NIPAL2: variants seen among roughly 807,000 people sequenced by gnomAD.
NIPAL2 encodes NIPA-like protein 2.
Under a neutral mutation model 48.9 loss-of-function variants are expected in NIPAL2, and 43 were observed. The observed-to-expected ratio is 0.88, with a 90% confidence interval of 0.69 to 1.13. The LOEUF (loss-of-function observed/expected upper bound fraction) is 1.13. Among genes scored for constraint, NIPAL2 ranks in the 50% most tolerant of loss-of-function variants. The pLI is 0.00. For missense variants in NIPAL2, 446 were observed against 461.4 expected (o/e 0.97, Z 0.31); for synonymous variants, 167 against 174.6 (o/e 0.96, Z 0.34).
In NIPAL2 at chr8:98,190,316, TG is replaced by T. The variant is rs1563798745; in HGVS notation, c.*2661del. On this transcript the variant is annotated 3_prime_UTR_variant, in exon 11 of 11. Transcript: ENST00000430223. ...AGCTCACAGACTGGCCACTTGTTTT[TG>T]TTTGTTTGTTTGTTTGTTTGTTTTT... The T allele has an allele frequency of 6.1e-6, 1 of 163,208 alleles. No homozygotes were observed. Among genetic ancestry groups the T allele is most frequent in the Non-Finnish European group, 1.3e-5 (1 of 78,030 alleles). The allele number at this position is 163,208 out of a possible 1,614,324, so 10.1% of individuals were successfully genotyped here.
intron 3 of NIPAL2, among the ~76,000 whole-genome samples, chr8:98,245,495 T>C (rs953340184): frequency 3.3e-5 from 5 of 152,228 alleles, no homozygotes; most frequent in Admixed American, 1.3e-4. Flanking sequence ...TTACTGAAGA[T>C]AATGAAGGAA....
At chr8:98,267,356 C>T (rs1170214301) in intron 1 of NIPAL2, among the ~76,000 whole-genome samples, 1 of 150,044 alleles carries the variant, frequency 6.7e-6, no homozygotes, top group Non-Finnish European at 1.5e-5. Context: ...CAGGGTCTCA[C>T]TTTGTTGCCC....
rs200633426 is a variant in NIPAL2, at chr8:98,194,772, T to G, written c.995A>C (p.Lys332Thr). The change falls in exon 10 of 11, where the codon AAG becomes ACG. Residue 332 changes from lysine to threonine, a missense_variant. Coordinates refer to ENST00000430223, the MANE Select transcript of NIPAL2 (RefSeq NM_001321635.2). ...AATATAAGACTGTTGCAGATGTTCC[T>G]TTTCTCGATTTCTTGTGACCAAAAA... ...GVFLVTRNRE[K>T]EHLQQSYIDF... The G allele has an allele frequency of 3.0e-5, 48 of 1,577,000 alleles. No individual in the cohort carries two copies. The highest frequency in any genetic ancestry group is 3.5e-5 in the Non-Finnish European group (41 of 1,165,702).
chr8:98,218,770 G>A (rs891507796), intron 5 of NIPAL2, among the ~76,000 whole-genome samples: 2 of 152,192 alleles, frequency 1.3e-5, no homozygotes, highest in African/African-American at 4.8e-5. Flanking sequence ...TGAGTTTTCA[G>A]GGGTCATAAG....
At chr8:98,222,409 C>CT (rs1288605146) in intron 5 of NIPAL2, 70 bp downstream of exon 5, 2 of 1,473,822 alleles carry the variant, frequency 1.4e-6, no homozygotes, top group African/African-American at 2.8e-5. Context: ...ATTATGTTCT[C>CT]TAATATCTGC....
chr8:98,287,980 T>A (rs1816271282), intron 1 of NIPAL2, among the ~76,000 whole-genome samples: 1 of 152,214 alleles, frequency 6.6e-6, no homozygotes, highest in African/African-American at 2.4e-5. Context: ...GCTACCTAGG[T>A]GAAGCATGCA....
intron 4 of NIPAL2, among the ~76,000 whole-genome samples, chr8:98,227,126 A>G (rs990218089): frequency 6.6e-6 from 1 of 151,388 alleles, no homozygotes; most frequent in East Asian, 1.9e-4. Flanking sequence ...ATGCTGCCAG[A>G]CCTGCCACTA....
At chr8:98,293,362 T>C (rs1015460883) in intron 1 of NIPAL2, among the ~76,000 whole-genome samples, 1 of 152,194 alleles carries the variant, frequency 6.6e-6, no homozygotes, top group East Asian at 1.9e-4. Context: ...CCAAGTCCCT[T>C]TGATTTTGTT....
At chr8:98,242,638 A>G (rs2130805550) in intron 3 of NIPAL2, among the ~76,000 whole-genome samples, 1 of 151,896 alleles carries the variant, frequency 6.6e-6, no homozygotes, top group East Asian at 1.9e-4. Flanking sequence ...GGAGCCCACC[A>G]CTATGCCCGG....
chr8:98,264,707 A>G (rs2130861664), intron 1 of NIPAL2, among the ~76,000 whole-genome samples: 1 of 151,606 alleles, frequency 6.6e-6, no homozygotes, highest in East Asian at 2.0e-4. Flanking sequence ...CATACTGCCC[A>G]AGGTAATTTA....
At chr8:98,283,865 G>C (rs1423613488) in intron 1 of NIPAL2, among the ~76,000 whole-genome samples, 1 of 152,174 alleles carries the variant, frequency 6.6e-6, no homozygotes, top group Non-Finnish European at 1.5e-5. Flanking sequence ...GATATGGGGA[G>C]GGATTGTGAT....
intron 1 of NIPAL2, among the ~76,000 whole-genome samples, chr8:98,257,676 C>T (rs1334860727): frequency 6.6e-6 from 1 of 152,142 alleles, no homozygotes; most frequent in Non-Finnish European, 1.5e-5. Flanking sequence ...AGAGAATTTA[C>T]TAAGACTCAG....
chr8:98,205,281 A>G (rs777050396), intron 6 of NIPAL2, 35 bp from the exon 7 acceptor site: 7 of 1,567,558 alleles, frequency 4.5e-6, no homozygotes, highest in Non-Finnish European at 4.3e-6. Context: ...AATAAAGAAC[A>G]TATTTCAGAT....
At chr8:98,290,517 A>G (rs1816434666) in intron 1 of NIPAL2, among the ~76,000 whole-genome samples, 1 of 152,118 alleles carries the variant, frequency 6.6e-6, no homozygotes, top group South Asian at 2.1e-4. Flanking sequence ...GCTCTTATTT[A>G]TTCAACCACA....
intron 7 of NIPAL2, among the ~76,000 whole-genome samples, chr8:98,204,267 G>T (rs1412837516): frequency 5.3e-5 from 8 of 152,150 alleles, no homozygotes; most frequent in Non-Finnish European, 4.4e-5. Flanking sequence ...AAAACATTGG[G>T]TTTTTCCAGT....
intron 3 of NIPAL2, among the ~76,000 whole-genome samples, chr8:98,241,122 C>T (rs1333432221): frequency 6.6e-6 from 1 of 152,140 alleles, no homozygotes; most frequent in Non-Finnish European, 1.5e-5. Context: ...TCCAAGATGA[C>T]CATGGTCTAT....
chr8:98,224,566 G>A (rs905744956), intron 4 of NIPAL2, among the ~76,000 whole-genome samples: 2 of 151,610 alleles, frequency 1.3e-5, no homozygotes, highest in Non-Finnish European at 2.9e-5. Flanking sequence ...TCACATCCAC[G>A]TCTGCATTTG....
intron 1 of NIPAL2, among the ~76,000 whole-genome samples, chr8:98,274,271 CTCTATCTA>C (rs368552051): frequency 1.5e-3 from 226 of 151,492 alleles, no homozygotes; most frequent in Non-Finnish European, 2.6e-3. Context: ...CTATCTATCT[CTCTATCTA>C]TCTATCTATC....
At chr8:98,242,071 T>A (rs1280976896) in intron 3 of NIPAL2, among the ~76,000 whole-genome samples, 1 of 152,248 alleles carries the variant, frequency 6.6e-6, no homozygotes, top group Non-Finnish European at 1.5e-5. Flanking sequence ...AATATACCAA[T>A]TTATCAAATT....
Sources: allele counts gnomAD v4.1 joint callset (sites outside exome capture counted in the v4.1 genomes callset), GRCh38; gene constraint gnomAD v4.1.1; transcripts MANE v1.5; gene names NCBI Gene and HGNC (gene_info 2026-07-23, HGNC 2026-07-21).